The following FMN2 variants were observed in gnomAD, a reference collection of about 807,000 sequenced individuals.
FMN2 encodes formin 2, also known as formin-2.
Under a neutral mutation model 142.3 loss-of-function variants are expected in FMN2, and 51 were observed. The observed-to-expected ratio is 0.36, with a 90% CI of 0.29 to 0.45. FMN2 has a LOEUF of 0.45. Among genes scored for constraint, FMN2 ranks in the 20% least tolerant of loss-of-function variants. The pLI is 1.00. For synonymous variants in FMN2, 882 were observed against 869.8 expected (o/e 1.01, Z -0.25); for missense variants, 1,936 against 2,122.8 (o/e 0.91, Z 1.73).
chr1:240,220,645 C>T (rs890410194), intron 6 of FMN2, among the ~76,000 whole-genome samples: 3 of 150,226 alleles, frequency 2.0e-5, no homozygotes, highest in African/African-American at 7.4e-5. Flanking sequence ...CAAGCGGAAG[C>T]TTCACTGGCA....
chr1:240,097,476 C>T (rs1003148583), intron 1 of FMN2, among the ~76,000 whole-genome samples: 2 of 151,874 alleles, frequency 1.3e-5, no homozygotes, highest in African/African-American at 2.4e-5. Context: ...CTGCCTCAGC[C>T]TCCTGAGTAG....
chr1:240,308,786 A>G (rs1296886144), intron 8 of FMN2, among the ~76,000 whole-genome samples: 1 of 152,210 alleles, frequency 6.6e-6, no homozygotes. Context: ...AGAATATGCC[A>G]GTAGAATTTG....
Position 240,121,513 on chromosome 1 carries a change from C to T in FMN2, c.1616-1666C>T, listed in dbSNP as rs532546817. Among the ~76,000 whole-genome samples the T allele has an allele frequency of 2.6e-5, 4 of 151,148 alleles. No homozygotes were observed. In the South Asian group the frequency reaches 8.4e-4, roughly 32 times the overall value. ...GCCTCAGCCTCCCAAGTAGCTGGGACTACAGGCGCTGGCCACCAAGCCTGG... is the reference window on the plus strand; with the variant it reads ...GCCTCAGCCTCCCAAGTAGCTGGGATTACAGGCGCTGGCCACCAAGCCTGG... On this transcript the variant is annotated intron_variant, in intron 1 of 17. Coordinates refer to ENST00000319653, the MANE Select transcript of FMN2 (RefSeq NM_020066.5).
In FMN2 at chr1:240,232,082, T is replaced by G. The variant is rs535081339; in HGVS notation, c.4065+20847T>G. Among the ~76,000 whole-genome samples, 29 of 152,156 alleles carry G rather than the reference T, an allele frequency of 1.9e-4. No homozygotes were observed. In the South Asian group the frequency reaches 5.6e-3, roughly 29 times the overall value. On this transcript the variant is annotated intron_variant, in intron 6 of 17. Transcript: ENST00000319653. ...ATTCTTTTTCTTTTTCTTTTTTAATTTTTTTTGAGATGGAGTCTTGCTCTG... is the reference window on the plus strand; with the variant it reads ...ATTCTTTTTCTTTTTCTTTTTTAATGTTTTTTGAGATGGAGTCTTGCTCTG...
chr1:240,456,353 C>A (rs11582676), intron 16 of FMN2, among the ~76,000 whole-genome samples: 1 of 152,074 alleles, frequency 6.6e-6, no homozygotes. Context: ...TACAGAAATA[C>A]CATTGTGTTT....
intron 7 of FMN2, among the ~76,000 whole-genome samples, chr1:240,287,136 G>T (rs1179292580): frequency 1.3e-5 from 2 of 152,124 alleles, no homozygotes; most frequent in East Asian, 3.9e-4. Flanking sequence ...AAAATTAACT[G>T]CTTACATGTC....
intron 2 of FMN2, among the ~76,000 whole-genome samples, chr1:240,169,534 G>T (rs1664618290): frequency 6.6e-6 from 1 of 152,178 alleles, no homozygotes; most frequent in Non-Finnish European, 1.5e-5. Context: ...TGCGATCACA[G>T]CTCACTGCAG....
At chr1:240,417,777 A>AT (rs1486623757) in intron 15 of FMN2, among the ~76,000 whole-genome samples, 1 of 152,208 alleles carries the variant, frequency 6.6e-6, no homozygotes, top group Non-Finnish European at 1.5e-5. Context: ...AATACAGCAT[A>AT]TTTTAAAATA....
chr1:240,460,082 C>T (rs938009981), intron 16 of FMN2, among the ~76,000 whole-genome samples: 2 of 152,136 alleles, frequency 1.3e-5, no homozygotes, highest in South Asian at 4.1e-4. Flanking sequence ...GTTGTTTTTT[C>T]TTCTCCGGAT....
intron 15 of FMN2, among the ~76,000 whole-genome samples, chr1:240,422,145 G>C (rs1341028122): frequency 5.3e-5 from 8 of 152,146 alleles, no homozygotes; most frequent in Non-Finnish European, 1.0e-4. Context: ...ATGCTGTCTT[G>C]ATTACTATAG....
chr1:240,116,021 G>A (rs531434007), intron 1 of FMN2, among the ~76,000 whole-genome samples: 3 of 152,194 alleles, frequency 2.0e-5, no homozygotes, highest in Admixed American at 6.5e-5. Flanking sequence ...CTGTCCTGGC[G>A]CTGGCGGGTC....
intron 6 of FMN2, among the ~76,000 whole-genome samples, chr1:240,245,804 T>C (rs2102875856): frequency 6.6e-6 from 1 of 152,256 alleles, no homozygotes; most frequent in African/African-American, 2.4e-5. Flanking sequence ...AGGCCTTCTG[T>C]TGCTTCACCC....
intron 1 of FMN2, among the ~76,000 whole-genome samples, chr1:240,116,725 C>T (rs917826803): frequency 6.6e-6 from 1 of 151,548 alleles, no homozygotes; most frequent in African/African-American, 2.4e-5. Context: ...CACTGCATTC[C>T]GGCCTGGGTG....
intron 7 of FMN2, among the ~76,000 whole-genome samples, chr1:240,275,501 T>A (rs1271762100): frequency 6.6e-6 from 1 of 152,122 alleles, no homozygotes; most frequent in African/African-American, 2.4e-5. Context: ...TTGATGGGCA[T>A]TTGGGTTGGT....
At chr1:240,411,254 G>A (rs1445378165) in intron 15 of FMN2, among the ~76,000 whole-genome samples, 1 of 152,062 alleles carries the variant, frequency 6.6e-6, no homozygotes, top group Non-Finnish European at 1.5e-5. Flanking sequence ...TTGTCTTTTA[G>A]TCTTCAGGGT....
chr1:240,398,163 C>CT (rs890625021), intron 15 of FMN2, among the ~76,000 whole-genome samples: 12 of 151,580 alleles, frequency 7.9e-5, no homozygotes, highest in South Asian at 2.1e-4. Flanking sequence ...ACCCAGCTAA[C>CT]TTTTTTTTTC....
rs1242506531 is a variant in FMN2, at chr1:240,213,430, G to T, written c.4065+2195G>T. Among the ~76,000 whole-genome samples the T allele has an allele frequency of 1.3e-5, 2 of 152,186 alleles. 1 individual carries two copies. Among genetic ancestry groups the T allele is most frequent in the Non-Finnish European group, 2.9e-5 (2 of 68,032 alleles). Reference sequence around the variant, plus strand: ...AAAAGATTTTTTTAAATGTATGTTAGAGAAAAATCACTACAAAGTGATGGA... The same window carrying T: ...AAAAGATTTTTTTAAATGTATGTTATAGAAAAATCACTACAAAGTGATGGA... On this transcript the variant is annotated intron_variant, in intron 6 of 17. Transcript: ENST00000319653.
chr1:240,250,988 A>G (rs1181106281), intron 6 of FMN2, among the ~76,000 whole-genome samples: 2 of 151,432 alleles, frequency 1.3e-5, no homozygotes, highest in African/African-American at 2.4e-5. Flanking sequence ...TTTCTTGGTT[A>G]GTCTAGCTAG....
chr1:240,211,051 A>G (rs778637277), intron 5 of FMN2, 40 bp from the exon 6 acceptor site: 2 of 1,572,298 alleles, frequency 1.3e-6, no homozygotes, highest in East Asian at 4.6e-5. Flanking sequence ...ATGTAAGTTC[A>G]GTTTGATGGC....
Sources: allele counts gnomAD v4.1 joint callset (sites outside exome capture counted in the v4.1 genomes callset), GRCh38; gene constraint gnomAD v4.1.1; transcripts MANE v1.5; gene names NCBI Gene and HGNC (gene_info 2026-07-23, HGNC 2026-07-21).